Variants in THEM5 observed in about 807,000 individuals in gnomAD.
The protein encoded by THEM5 is acyl-coenzyme A thioesterase THEM5.
A neutral mutation model predicts 24.2 loss-of-function variants in THEM5; 28 were observed. The observed-to-expected ratio is 1.16, with a 90% confidence interval of 0.86 to 1.59. THEM5 has a LOEUF of 1.59. Ranked by LOEUF, THEM5 falls within the 40% of genes most tolerant of loss-of-function variation. THEM5 has a pLI of 0.00. For synonymous variants in THEM5, 87 were observed against 114.5 expected (o/e 0.76, Z 1.53); for missense variants, 260 against 296.8 (o/e 0.88, Z 0.91).
intron 2 of THEM5, 118 bp downstream of exon 2, chr1:151,852,140 G>T: frequency 1.0e-6 from 1 of 980,928 alleles, no homozygotes; most frequent in Non-Finnish European, 1.6e-6. Context: ...ATCAGGGGTG[G>T]AGTTGGACAG....
intron 3 of THEM5, among the ~76,000 whole-genome samples, chr1:151,849,184 A>G (rs1653037495): frequency 1.3e-5 from 2 of 151,898 alleles, no homozygotes; most frequent in Non-Finnish European, 2.9e-5. Flanking sequence ...GTGCCACTGC[A>G]TTCCAGCCTG....
At chr1:151,847,967 C>T (rs1652993540) in intron 4 of THEM5, 105 bp from the exon 5 acceptor site, 4 of 1,558,758 alleles carry the variant, frequency 2.6e-6, no homozygotes, top group Non-Finnish European at 3.5e-6. Flanking sequence ...GCCTCGAGGA[C>T]TCAGAAGTGG....
intron 3 of THEM5, among the ~76,000 whole-genome samples, chr1:151,848,853 G>A (rs529608677): frequency 2.0e-5 from 3 of 152,348 alleles, no homozygotes; most frequent in African/African-American, 7.2e-5. Flanking sequence ...AAAGCAGAGC[G>A]CCTGCTTCAG....
chr1:151,850,786 C>T (rs1214108754), intron 3 of THEM5, among the ~76,000 whole-genome samples: 1 of 152,220 alleles, frequency 6.6e-6, no homozygotes, highest in East Asian at 1.9e-4. Flanking sequence ...AAGTGTACCA[C>T]ATTCTTCTCA....
intron 3 of THEM5, 150 bp downstream of exon 3, chr1:151,850,903 C>T (rs1479492473): frequency 5.1e-6 from 5 of 976,682 alleles, no homozygotes; most frequent in Non-Finnish European, 5.9e-6. Flanking sequence ...CCTTCCAGGC[C>T]TGGTATTGTG....
At position 151,852,187 on chromosome 1, in the gene THEM5, G is replaced by C. The variant is rs1417111770; in HGVS notation, c.325+71C>G. ...CGCTGAGAACTGGAAGGCGGTCTGTGAAGTTGCTTCTCAGTCTTAGAACAC... is the reference window on the plus strand; with the variant it reads ...CGCTGAGAACTGGAAGGCGGTCTGTCAAGTTGCTTCTCAGTCTTAGAACAC... On this transcript the variant is annotated intron_variant, in intron 2 of 5. Transcript: ENST00000368817. 2.1e-6 allele frequency: 3 copies of C among 1,463,244 alleles called. No homozygotes were observed. The African/African-American group carries it at 4.2e-5, about 20-fold the overall frequency. 90.6% of individuals were successfully genotyped at this position (1,463,244 alleles called of 1,614,324 possible).
chr1:151,847,607 G>T, intron 5 of THEM5, 131 bp downstream of exon 5: 1 of 1,386,266 alleles, frequency 7.2e-7, no homozygotes, highest in East Asian at 2.3e-5. Flanking sequence ...CCTAGTAGGT[G>T]CCCTATCCCA....
At chr1:151,849,077 G>A (rs565059947) in intron 3 of THEM5, among the ~76,000 whole-genome samples, 41 of 152,158 alleles carry the variant, frequency 2.7e-4, no homozygotes, top group African/African-American at 1.4e-4. Context: ...AAAATTAGAC[G>A]GGTGTGGTGG....
chr1:151,851,604 T>C (rs1653129680), intron 2 of THEM5, among the ~76,000 whole-genome samples: 1 of 152,358 alleles, frequency 6.6e-6, no homozygotes, highest in East Asian at 1.9e-4. Context: ...ACATCCTTTT[T>C]TGGAAGTATC....
intron 4 of THEM5, 34 bp from the exon 5 acceptor site, chr1:151,847,896 G>A (rs1652988701): frequency 1.2e-6 from 2 of 1,612,520 alleles, no homozygotes; most frequent in South Asian, 1.1e-5. Context: ...CATCTCTCAT[G>A]TGAACCCGGT....
intron 1 of THEM5, 102 bp from the exon 2 acceptor site, chr1:151,852,561 A>G (rs1256815579): frequency 1.8e-6 from 2 of 1,092,376 alleles, no homozygotes; most frequent in East Asian, 4.9e-5. Flanking sequence ...GGGGCTTCTC[A>G]ATCCCTTCTG....
chr1:151,847,119 T>C lies in THEM5; in HGVS notation c.*252A>G, dbSNP rs1652954644. The stretch of plus-strand genomic sequence containing the variant: ...CCGAGAATGGGACTGTGAGACTTTA[T>C]TTACTCAGAGAAAAGGGTCCTTTCC... On this transcript the variant is annotated 3_prime_UTR_variant, in exon 6 of 6. Coordinates refer to ENST00000368817, the MANE Select transcript of THEM5 (RefSeq NM_182578.4). 4.2e-6 allele frequency: 3 copies of C among 717,858 alleles called. No homozygotes were observed. Among genetic ancestry groups the C allele is most frequent in the Non-Finnish European group, 5.2e-6 (2 of 386,936 alleles). The allele number at this position is 717,858 out of a possible 1,614,324, so 44.5% of individuals were successfully genotyped here.
chr1:151,847,791 A>G lies in THEM5; in HGVS notation c.647T>C (p.Met216Thr), dbSNP rs1558180026. The change falls in exon 5 of 6, where the codon ATG becomes ACG. Residue 216 changes from methionine to threonine, a missense_variant. By Grantham distance (81) the Met-to-Thr change is moderately conservative. Coordinates refer to ENST00000368817, the MANE Select transcript of THEM5 (RefSeq NM_182578.4). ...GTCTCTGCTGTGGGCGATGCAGGACATGTAAAGCTTCTGGTCCTCAATCTT... is the reference window on the plus strand; with the variant it reads ...GTCTCTGCTGTGGGCGATGCAGGACGTGTAAAGCTTCTGGTCCTCAATCTT... Reference protein sequence around the residue: ...LDKIEDQKLYMSCIAHSRDQQ... With the variant: ...LDKIEDQKLYTSCIAHSRDQQ... 1.9e-6 allele frequency: 3 copies of G among 1,614,022 alleles called. No individual in the cohort carries two copies. In the East Asian group the frequency reaches 6.7e-5, roughly 36 times the overall value.
chr1:151,851,055 TG>T lies in THEM5; in HGVS notation c.461del (p.Pro154GlnfsTer12). ...FQPGSYLEGP[P>X]GFAHGGSLAA... ...CAAGGTCCTACCAGTGACCTTACCC[TG>T]GGGGCCCCTCCAGGTAGGAGCCTGG... is the stretch of plus-strand genomic sequence containing the variant. On this transcript the variant is annotated frameshift_variant, in exon 3 of 6. Coordinates refer to ENST00000368817, the MANE Select transcript of THEM5 (RefSeq NM_182578.4). LOFTEE classifies it high-confidence loss of function. 1 of 1,614,022 alleles carries T rather than the reference TG, an allele frequency of 6.2e-7. No individual in the cohort carries two copies. The highest frequency in any genetic ancestry group is 1.1e-5 in the South Asian group (1 of 91,066).
rs200511087 is a variant in THEM5 at position 151,853,529 on chromosome 1, C to G, written c.37G>C (p.Gly13Arg). ...GCCTCAAGAAGGCCTCTGTGGTGGC[C>G]AAGTCTTGCTGCCACCTGGAAGCAT... ...RRCFQVAARL[G>R]HHRGLLEAPR... The change falls in exon 1 of 6, where the codon GGC (glycine) becomes CGC (arginine). Residue 13 changes from glycine (G) to arginine (R), a missense_variant. Physicochemically the swap from Gly to Arg is moderately radical, Grantham distance 125 (BLOSUM62 -2). Coordinates refer to ENST00000368817, the MANE Select transcript of THEM5 (RefSeq NM_182578.4). The G allele has an allele frequency of 1.2e-6, 2 of 1,613,460 alleles. No homozygotes were observed. The highest frequency in any genetic ancestry group is 1.7e-6 in the Non-Finnish European group (2 of 1,179,742).
Position 151,853,573 on chromosome 1 carries a change from T to A in THEM5, c.-8A>T. On this transcript the variant is annotated 5_prime_UTR_variant, in exon 1 of 6. Coordinates refer to ENST00000368817, the MANE Select transcript of THEM5 (RefSeq NM_182578.4). ...GAAGCATCTCCTTATCATGGCCAAG[T>A]GCAAGGATCCAGCCCTGCTTGGATG... 1 of 1,610,772 alleles carries A rather than the reference T, an allele frequency of 6.2e-7. No homozygotes were observed. Among genetic ancestry groups the A allele is most frequent in the Non-Finnish European group, 8.5e-7 (1 of 1,178,234 alleles).
intron 3 of THEM5, among the ~76,000 whole-genome samples, chr1:151,848,680 G>A (rs1653021130): frequency 6.6e-6 from 1 of 152,204 alleles, no homozygotes; most frequent in African/African-American, 2.4e-5. Flanking sequence ...AAAAGTCCCT[G>A]AACTTTTTGA....
rs760051725 is a variant in THEM5, at chr1:151,851,061, C to T, written c.456G>A (p.Gly152=). The change falls in exon 3 of 6, where the codon GGG becomes GGA. Residue 152 remains glycine, a synonymous_variant. Transcript: ENST00000368817. The part of the protein sequence containing the change: ...CLFQPGSYLE[G]PPGFAHGGSL... ...CCTACCAGTGACCTTACCCTGGGGG[C>T]CCCTCCAGGTAGGAGCCTGGTTGGA... is the stretch of plus-strand genomic sequence containing the variant. 8 of 1,614,134 alleles carry T rather than the reference C, an allele frequency of 5.0e-6. No individual in the cohort carries two copies. The Admixed American group carries it at 1.2e-4, about 24-fold the overall frequency.
In THEM5 at chr1:151,851,041, C is replaced by G; in HGVS notation, c.464+12G>C. 1 of 1,614,000 alleles carries G rather than the reference C, an allele frequency of 6.2e-7. No homozygotes were observed. Among genetic ancestry groups the G allele is most frequent in the Non-Finnish European group, 8.5e-7 (1 of 1,179,942 alleles). On this transcript the variant is annotated intron_variant, in intron 3 of 5. Transcript: ENST00000368817. ...GCCCAGGAGGCAGCCAAGGTCCTAC[C>G]AGTGACCTTACCCTGGGGGCCCCTC...
Sources: allele counts gnomAD v4.1 joint callset (sites outside exome capture counted in the v4.1 genomes callset), GRCh38; gene constraint gnomAD v4.1.1; transcripts MANE v1.5; gene names NCBI Gene and HGNC (gene_info 2026-07-23, HGNC 2026-07-21).